ANO2: variants seen among roughly 807,000 people sequenced by gnomAD.
ANO2 encodes the protein anoctamin 2, also known as anoctamin-2.
A neutral mutation model predicts 124.2 loss-of-function variants in ANO2; 101 were observed. That is an observed-to-expected ratio of 0.81 (90% confidence interval 0.69 to 0.96). ANO2 has a LOEUF of 0.96. ANO2 is among the 40% of genes least tolerant of loss of function. The pLI is 0.00. For synonymous variants in ANO2, 486 were observed against 482.5 expected, an observed-to-expected ratio of 1.01 and a Z score of -0.09; for missense variants, 1,293 against 1,274.5, an observed-to-expected ratio of 1.01 and a Z score of -0.22.
chr12:5,575,155 C>T (rs741365), intron 23 of ANO2, among the ~76,000 whole-genome samples: 34,175 of 152,026 alleles, frequency 0.22, 4,187 homozygotes, highest in East Asian at 0.46. Context: ...AGTAATCTCC[C>T]TCTCCTCTGA....
intron 15 of ANO2, among the ~76,000 whole-genome samples, chr12:5,644,391 T>C (rs1002266537): frequency 3.3e-5 from 5 of 152,248 alleles, no homozygotes; most frequent in African/African-American, 4.8e-5. Context: ...ATCTTACTCA[T>C]TGTAGTTTTA....
At position 5,760,887 on chromosome 12, in the gene ANO2, C is replaced by T. The variant is rs147381506; in HGVS notation, c.1056-9917G>A. Among the ~76,000 whole-genome samples, 22 of 152,242 alleles carry T rather than the reference C, an allele frequency of 1.4e-4. No homozygotes were observed. In the East Asian group the frequency reaches 3.9e-3, roughly 27 times the overall value. Reference sequence around the variant, plus strand: ...AAAGCACTCTTGCCTGATCTCCAGGCATACAGGTTACTTGTGTAAAAGTTG... The same window carrying T: ...AAAGCACTCTTGCCTGATCTCCAGGTATACAGGTTACTTGTGTAAAAGTTG... On this transcript the variant is annotated intron_variant, in intron 10 of 24. Coordinates refer to ENST00000682330, the MANE Select transcript of ANO2 (RefSeq NM_001364791.2).
chr12:5,847,142 T>A (rs1258985740), intron 4 of ANO2, among the ~76,000 whole-genome samples: 3 of 152,142 alleles, frequency 2.0e-5, no homozygotes, highest in Non-Finnish European at 4.4e-5. Context: ...GTGGGCCTCA[T>A]CCAATCAGTT....
intron 4 of ANO2, among the ~76,000 whole-genome samples, chr12:5,832,908 C>T (rs538463763): frequency 6.6e-6 from 1 of 152,234 alleles, no homozygotes; most frequent in African/African-American, 2.4e-5. Context: ...ACAATGTGAC[C>T]CTAGTAGGTG....
intron 13 of ANO2, 147 bp from the exon 14 acceptor site, chr12:5,732,777 GC>G: frequency 6.3e-7 from 1 of 1,575,560 alleles, no homozygotes; most frequent in South Asian, 1.1e-5. Context: ...CAATCACAAG[GC>G]ATCTAGACAT....
At position 5,735,651 on chromosome 12, in the gene ANO2, C is replaced by T. The variant is rs879442113; in HGVS notation, c.1435-3021G>A. 5.3e-5 allele frequency among the ~76,000 whole-genome samples: 8 copies of T among 152,146 alleles called. 1 individual carries two copies. Among genetic ancestry groups the T allele is most frequent in the East Asian group, 3.9e-4 (2 of 5,160 alleles). On this transcript the variant is annotated intron_variant, in intron 13 of 24. Coordinates refer to ENST00000682330, the MANE Select transcript of ANO2 (RefSeq NM_001364791.2). The stretch of plus-strand genomic sequence containing the variant: ...GAGTTGGGGGAGGCCAATCTGAAGA[C>T]GGCAATGTTTTCACTGAGACACAAA...
At chr12:5,922,589 T>TCCCCCCCCC (rs113271594) in intron 2 of ANO2, 31 bp downstream of exon 2, 2 of 1,426,384 alleles carry the variant, frequency 1.4e-6, no homozygotes, top group African/African-American at 2.9e-5. Flanking sequence ...GGCTGGCCTA[T>TCCCCCCCCC]CCCCCCACCC....
At chr12:5,901,740 G>T (rs527759048) in intron 3 of ANO2, among the ~76,000 whole-genome samples, 1 of 152,328 alleles carries the variant, frequency 6.6e-6, no homozygotes, top group African/African-American at 2.4e-5. Context: ...CCTGTTCTGA[G>T]TTGGAGACAA....
intron 20 of ANO2, among the ~76,000 whole-genome samples, chr12:5,585,924 TA>T (rs1943089666): frequency 6.6e-6 from 1 of 151,986 alleles, no homozygotes; most frequent in Non-Finnish European, 1.5e-5. Flanking sequence ...AAAACGGAAA[TA>T]AGGAGCACAG....
At chr12:5,747,365 T>C (rs1173860418) in intron 11 of ANO2, among the ~76,000 whole-genome samples, 2 of 152,228 alleles carry the variant, frequency 1.3e-5, no homozygotes, top group Non-Finnish European at 2.9e-5. Context: ...TATTGGTTTT[T>C]AGAGAATATC....
At chr12:5,778,571 T>C (rs949363918) in intron 10 of ANO2, among the ~76,000 whole-genome samples, 1 of 152,208 alleles carries the variant, frequency 6.6e-6, no homozygotes, top group Non-Finnish European at 1.5e-5. Context: ...GCAATTCCAA[T>C]AGATGGCATA....
intron 14 of ANO2, among the ~76,000 whole-genome samples, chr12:5,710,795 T>A (rs968754200): frequency 6.6e-6 from 1 of 152,128 alleles, no homozygotes; most frequent in Non-Finnish European, 1.5e-5. Context: ...TTCCTATCAA[T>A]TCTGTTTAAA....
chr12:5,891,061 G>A (rs1457187223), intron 3 of ANO2, among the ~76,000 whole-genome samples: 1 of 152,154 alleles, frequency 6.6e-6, no homozygotes, highest in Non-Finnish European at 1.5e-5. Context: ...GATAGACTGT[G>A]TAGAGATCAC....
intron 23 of ANO2, among the ~76,000 whole-genome samples, chr12:5,572,367 A>G (rs1224334239): frequency 6.6e-6 from 1 of 152,036 alleles, no homozygotes; most frequent in Non-Finnish European, 1.5e-5. Context: ...ACATGGCCAC[A>G]TGAGTGAGGA....
In ANO2 at chr12:5,612,907, C is replaced by T. The variant is rs990274913; in HGVS notation, c.1980G>A (p.Met660Ile). 1 of 1,613,932 alleles carries T rather than the reference C, an allele frequency of 6.2e-7. No homozygotes were observed. Among genetic ancestry groups the T allele is most frequent in the Non-Finnish European group, 8.5e-7 (1 of 1,179,862 alleles). Residue 660 changes from methionine to isoleucine, a missense_variant, in exon 18 of 25, where the codon ATG becomes ATA. Coordinates refer to ENST00000682330, the MANE Select transcript of ANO2 (RefSeq NM_001364791.2). ...CACCAGTGGCTGTACTTGCCTCTTC[C>T]ATGCGGTAACCATCGAATACATAGA... ...SYVYVFDGYR[M>I]EECAPGGCLM...
rs535734462 is a variant in ANO2 at position 5,658,649 on chromosome 12, TATCATC to T, written c.1546-10854_1546-10849del. Among the ~76,000 whole-genome samples the T allele has an allele frequency of 2.7e-5, 4 of 146,532 alleles. No homozygotes were observed. The highest frequency in any genetic ancestry group is 7.6e-5 in the African/African-American group (3 of 39,422). ...ACATCAATATTATCATTGTCATCAA[TATCATC>T]ATCATCATCATCAACATCATTATCA... On this transcript the variant is annotated intron_variant, in intron 14 of 24. Coordinates refer to ENST00000682330, the MANE Select transcript of ANO2 (RefSeq NM_001364791.2). The surrounding 1 kb of genome is among the most constrained non-coding windows in gnomAD (Gnocchi z 4.3).
At chr12:5,805,440 A>G (rs912016333) in intron 9 of ANO2, among the ~76,000 whole-genome samples, 1 of 152,096 alleles carries the variant, frequency 6.6e-6, no homozygotes, top group Non-Finnish European at 1.5e-5. Flanking sequence ...TCCTTCCCCT[A>G]ACTGTAACCT....
chr12:5,928,409 C>G (rs1377807801), intron 1 of ANO2, among the ~76,000 whole-genome samples: 1 of 99,846 alleles, frequency 1.0e-5, no homozygotes, highest in African/African-American at 3.1e-5. Flanking sequence ...TCCTTCCTCA[C>G]TAGTCTACTT....
At chr12:5,680,096 T>G (rs1264567019) in intron 14 of ANO2, among the ~76,000 whole-genome samples, 1 of 152,122 alleles carries the variant, frequency 6.6e-6, no homozygotes, top group Non-Finnish European at 1.5e-5. Context: ...TGAGAACACA[T>G]GGACACACTG....
Sources: allele counts gnomAD v4.1 joint callset (sites outside exome capture counted in the v4.1 genomes callset), GRCh38; gene constraint gnomAD v4.1.1; non-coding constraint Gnocchi (gnomAD v3.1); transcripts MANE v1.5; gene names NCBI Gene and HGNC (gene_info 2026-07-23, HGNC 2026-07-21).